SCPEP1: variants seen among roughly 807,000 people sequenced by gnomAD.
The protein encoded by SCPEP1 is serine carboxypeptidase 1.
Under a neutral mutation model 63.8 loss-of-function variants are expected in SCPEP1, and 51 were observed. That is an observed-to-expected ratio of 0.80 (90% confidence interval 0.64 to 1.01). The LOEUF (loss-of-function observed/expected upper bound fraction) is 1.01, where lower values mean the gene tolerates loss of function less well. Ranked by LOEUF, SCPEP1 falls within the 50% of genes least tolerant of loss-of-function variation. The pLI, the probability that SCPEP1 is intolerant of heterozygous loss-of-function variation, is 0.00. For missense variants in SCPEP1, 499 were observed against 554.9 expected (o/e 0.90, Z 1.01); for synonymous variants, 204 against 207.8 (o/e 0.98, Z 0.16).
Position 56,987,824 on chromosome 17 carries a change from T to C in SCPEP1, c.445T>C (p.Phe149Leu). 1 of 1,614,122 alleles carries C rather than the reference T, an allele frequency of 6.2e-7. No individual in the cohort carries two copies. Among genetic ancestry groups the C allele is most frequent in the Non-Finnish European group, 8.5e-7 (1 of 1,179,994 alleles). Residue 149 changes from phenylalanine (F) to leucine (L), a missense_variant, in exon 4 of 13, where the codon TTC (phenylalanine) becomes CTC (leucine). Transcript: ENST00000262288. ...ASDMMVLLKT[F>L]FSCHKEFQTV... The stretch of plus-strand genomic sequence containing the variant: ...AGACATGATGGTTCTCCTGAAGACC[T>C]TCTTCAGTTGCCACAAAGAATTCCA...
At chr17:56,991,621 C>G (rs549538015) in intron 6 of SCPEP1, among the ~76,000 whole-genome samples, 6 of 152,316 alleles carry the variant, frequency 3.9e-5, no homozygotes, top group African/African-American at 1.4e-4. Context: ...AGGTTATCGT[C>G]TGGTCTTGCA....
intron 12 of SCPEP1, among the ~76,000 whole-genome samples, chr17:57,003,722 G>A (rs1911807463): frequency 6.6e-6 from 1 of 152,166 alleles, no homozygotes; most frequent in Non-Finnish European, 1.5e-5. Flanking sequence ...TCAGGGGAAG[G>A]GCTGAAACGT....
chr17:56,995,436 C>G (rs1472784390), intron 7 of SCPEP1, 71 bp from the exon 8 acceptor site: 53 of 1,539,214 alleles, frequency 3.4e-5, no homozygotes, highest in Non-Finnish European at 4.4e-5. Flanking sequence ...CCTACCCCTC[C>G]CTAACTGCAG....
intron 5 of SCPEP1, among the ~76,000 whole-genome samples, chr17:56,990,688 A>G (rs927851691): frequency 6.6e-6 from 1 of 151,946 alleles, no homozygotes; most frequent in African/African-American, 2.4e-5. Flanking sequence ...AGGCTGGAGT[A>G]CAGTAGCATG....
Position 57,000,839 on chromosome 17 carries a change from C to T in SCPEP1, c.995-16C>T, listed in dbSNP as rs998871692. On this transcript the variant is annotated splice_polypyrimidine_tract_variant and intron_variant, in intron 10 of 12. Coordinates refer to ENST00000262288, the MANE Select transcript of SCPEP1 (RefSeq NM_021626.3). Reference sequence around the variant, plus strand: ...AGATTCCAAGCTACTCCCTCTTTCTCCTTCCCCATGTGCAGGCCAGGCTAC... The same window carrying T: ...AGATTCCAAGCTACTCCCTCTTTCTTCTTCCCCATGTGCAGGCCAGGCTAC... 1.9e-6 allele frequency: 3 copies of T among 1,613,846 alleles called. No homozygotes were observed. The highest frequency in any genetic ancestry group is 2.2e-5 in the East Asian group (1 of 44,884).
At chr17:56,998,339 C>T (rs1159521915) in intron 9 of SCPEP1, 46 bp from the exon 10 acceptor site, 4 of 1,288,794 alleles carry the variant, frequency 3.1e-6, no homozygotes, top group South Asian at 1.2e-5. Flanking sequence ...GTCCTCTTGG[C>T]CTTACTTCCA....
chr17:56,989,963 G>T (rs1911344880), intron 5 of SCPEP1, among the ~76,000 whole-genome samples: 1 of 152,012 alleles, frequency 6.6e-6, no homozygotes, highest in African/African-American at 2.4e-5. Flanking sequence ...ATGGATCTTA[G>T]CACTTTGGGA....
At chr17:56,990,393 A>T (rs1033325774) in intron 5 of SCPEP1, among the ~76,000 whole-genome samples, 1 of 152,226 alleles carries the variant, frequency 6.6e-6, no homozygotes, top group Non-Finnish European at 1.5e-5. Flanking sequence ...GCATATGTAC[A>T]TTATAGAATA....
intron 12 of SCPEP1, among the ~76,000 whole-genome samples, chr17:57,002,584 G>C (rs1461756050): frequency 6.6e-6 from 1 of 152,214 alleles, no homozygotes; most frequent in Admixed American, 6.5e-5. Context: ...GCACATGTCT[G>C]TAATCCCAGC....
intron 1 of SCPEP1, among the ~76,000 whole-genome samples, chr17:56,979,444 C>T (rs938255182): frequency 1.3e-5 from 2 of 151,670 alleles, no homozygotes; most frequent in Non-Finnish European, 2.9e-5. Context: ...GGATCCCCCC[C>T]ATCATCTTTT....
intron 11 of SCPEP1, 37 bp from the exon 12 acceptor site, chr17:57,001,981 G>T: frequency 6.3e-7 from 1 of 1,592,596 alleles, no homozygotes; most frequent in Non-Finnish European, 8.5e-7. Flanking sequence ...CTATCCAGCT[G>T]TTAATGCCAG....
intron 9 of SCPEP1, chr17:56,997,266 C>A (rs139171114): frequency 2.5e-6 from 1 of 403,132 alleles, no homozygotes; most frequent in Non-Finnish European, 4.4e-6. Context: ...GGAGATCCCA[C>A]GTGTCTGCTT....
intron 2 of SCPEP1, chr17:56,985,120 A>T: frequency 1.9e-6 from 1 of 519,044 alleles, no homozygotes; most frequent in East Asian, 3.2e-5. Flanking sequence ...AAAAGAAAAG[A>T]AAAGAAAAAA....
chr17:56,983,930 A>G (rs1911138478), intron 2 of SCPEP1: 1 of 146,648 alleles, frequency 6.8e-6, no homozygotes, highest in Admixed American at 7.0e-5. Flanking sequence ...CTTTTTTGAG[A>G]TGAGGTCTCG....
At chr17:57,001,968 A>G (rs750899113) in intron 11 of SCPEP1, 50 bp from the exon 12 acceptor site, 2 of 1,571,628 alleles carry the variant, frequency 1.3e-6, no homozygotes, top group Admixed American at 4.1e-5. Flanking sequence ...CTTTTTTCCT[A>G]TTCTATCCAG....
intron 8 of SCPEP1, 66 bp from the exon 9 acceptor site, chr17:56,996,896 C>T (rs1314861653): frequency 1.9e-6 from 2 of 1,033,060 alleles, no homozygotes; most frequent in African/African-American, 1.6e-5. Context: ...GCCATGTGTC[C>T]TTCTGTTTGG....
chr17:56,993,592 C>T (rs1410037906), intron 6 of SCPEP1, among the ~76,000 whole-genome samples: 1 of 152,120 alleles, frequency 6.6e-6, no homozygotes, highest in Non-Finnish European at 1.5e-5. Context: ...TACAGGTGCC[C>T]ACCACTACGC....
In SCPEP1 at chr17:57,006,327, T is replaced by TTAGATACAGGGAAG; in HGVS notation, c.*92_*93insTAGATACAGGGAAG. On this transcript the variant is annotated 3_prime_UTR_variant, in exon 13 of 13. Coordinates refer to ENST00000262288, the MANE Select transcript of SCPEP1 (RefSeq NM_021626.3). ...CTGTAGGAAGCGCCATTCTTCCCTGTATCTAACTGGGGCTGTGATCAAGAA... is the reference window on the plus strand; with the variant it reads ...CTGTAGGAAGCGCCATTCTTCCCTGTTAGATACAGGGAAGATCTAACTGGGGCTGTGATCAAGAA... 1.1e-6 allele frequency: 1 copy of TTAGATACAGGGAAG among 891,270 alleles called. No individual in the cohort carries two copies. The highest frequency in any genetic ancestry group is 1.7e-6 in the Non-Finnish European group (1 of 593,332). 55.2% of individuals were successfully genotyped at this position (891,270 alleles called of 1,614,324 possible).
chr17:57,006,082 C>T, intron 12 of SCPEP1, 91 bp from the exon 13 acceptor site: 3 of 1,012,740 alleles, frequency 3.0e-6, no homozygotes, highest in Non-Finnish European at 4.4e-6. Flanking sequence ...GAGCTGGCTC[C>T]CTTTTGGGAG....
Sources: gnomAD v4.1 joint callset for allele counts (sites outside exome capture counted in the v4.1 genomes callset) on GRCh38, gnomAD v4.1.1 for gene constraint, MANE v1.5 for transcripts, NCBI Gene and HGNC (gene_info 2026-07-23, HGNC 2026-07-21) for gene names.